Variants in FNDC3B observed in about 807,000 individuals in gnomAD.
The protein encoded by FNDC3B is fibronectin type III domain containing 3B.
Under a neutral mutation model 151.5 loss-of-function variants are expected in FNDC3B, and 12 were observed. That is an observed-to-expected ratio of 0.08 (90% CI 0.05 to 0.13). The LOEUF (loss-of-function observed/expected upper bound fraction) is 0.13. Ranked by LOEUF, FNDC3B falls within the 10% of genes least tolerant of loss-of-function variation. FNDC3B has a pLI of 1.00. For synonymous variants in FNDC3B, 528 were observed against 549.0 expected (o/e 0.96, Z 0.54); for missense variants, 1,214 against 1,505.3 (o/e 0.81, Z 3.20).
At chr3:172,387,613 A>C (rs947772700) in intron 25 of FNDC3B, among the ~76,000 whole-genome samples, 14 of 152,202 alleles carry the variant, frequency 9.2e-5, no homozygotes, top group African/African-American at 3.1e-4. Flanking sequence ...GGTTTATTTA[A>C]GTATCTGAAG....
intron 10 of FNDC3B, among the ~76,000 whole-genome samples, chr3:172,307,960 A>G (rs1485659745): frequency 6.6e-6 from 1 of 152,220 alleles, no homozygotes; most frequent in Non-Finnish European, 1.5e-5. Flanking sequence ...ACATCTTATC[A>G]CTTTCTAATA....
At chr3:172,119,584 A>G (rs979347053) in intron 2 of FNDC3B, among the ~76,000 whole-genome samples, 1 of 152,228 alleles carries the variant, frequency 6.6e-6, no homozygotes, top group African/African-American at 2.4e-5. Context: ...AGTGAAGGCT[A>G]GAACTATCCA....
intron 3 of FNDC3B, among the ~76,000 whole-genome samples, chr3:172,201,034 G>A (rs1725123533): frequency 6.6e-6 from 1 of 152,216 alleles, no homozygotes. Flanking sequence ...AATAACACTT[G>A]TTAATGGAAA....
At chr3:172,231,322 C>A (rs1269481142) in intron 4 of FNDC3B, among the ~76,000 whole-genome samples, 1 of 152,162 alleles carries the variant, frequency 6.6e-6, no homozygotes, top group East Asian at 1.9e-4. Flanking sequence ...ATGGGGTATG[C>A]TGTTTCTTTG....
At position 172,127,889 on chromosome 3, in the gene FNDC3B, G is replaced by A. The variant is rs115412863; in HGVS notation, c.112-5582G>A. On this transcript the variant is annotated intron_variant, in intron 2 of 25. Coordinates refer to ENST00000415807, the MANE Select transcript of FNDC3B (RefSeq NM_022763.4). ...GTCAGGCTGGTCTCTAACTCCTGAT[G>A]TCAAGTGATCCATCTGCCTCAGCTT... Among the ~76,000 whole-genome samples, 1,201 of 152,186 alleles carry A rather than the reference G, an allele frequency of 7.9e-3. 13 individuals carry two copies. Among genetic ancestry groups the A allele is most frequent in the African/African-American group, 0.027 (1,116 of 41,546 alleles).
In FNDC3B at chr3:172,229,348, A is replaced by G. The variant is rs115521651; in HGVS notation, c.264+2401A>G. Among the ~76,000 whole-genome samples the G allele has an allele frequency of 8.1e-3, 1,226 of 152,264 alleles. 12 individuals carry two copies. Among genetic ancestry groups the G allele is most frequent in the African/African-American group, 0.029 (1,198 of 41,532 alleles). ...AACACTCAACCCTGCTTACCTCTCAAGAGGCACCTTTACCTGTCACCCCAC... is the reference window on the plus strand; with the variant it reads ...AACACTCAACCCTGCTTACCTCTCAGGAGGCACCTTTACCTGTCACCCCAC... On this transcript the variant is annotated intron_variant, in intron 4 of 25. Coordinates refer to ENST00000415807, the MANE Select transcript of FNDC3B (RefSeq NM_022763.4).
intron 6 of FNDC3B, among the ~76,000 whole-genome samples, chr3:172,259,521 T>C (rs1006166926): frequency 6.6e-6 from 1 of 152,210 alleles, no homozygotes; most frequent in Non-Finnish European, 1.5e-5. Flanking sequence ...ATGCGCTTTC[T>C]GACTTGGGCC....
chr3:172,396,188 A>G (rs531806748), intron 25 of FNDC3B, among the ~76,000 whole-genome samples: 7 of 152,346 alleles, frequency 4.6e-5, no homozygotes, highest in African/African-American at 1.7e-4. Flanking sequence ...AGGTATAGTT[A>G]TAAGGAACTA....
chr3:172,077,949 T>A (rs1301684127), intron 1 of FNDC3B, among the ~76,000 whole-genome samples: 1 of 152,150 alleles, frequency 6.6e-6, no homozygotes, highest in Non-Finnish European at 1.5e-5. Flanking sequence ...AAATTAGGGC[T>A]CATATTTTAT....
At chr3:172,204,931 G>A (rs1195583298) in intron 3 of FNDC3B, among the ~76,000 whole-genome samples, 1 of 152,212 alleles carries the variant, frequency 6.6e-6, no homozygotes, top group African/African-American at 2.4e-5. Context: ...TCTGGTCTGT[G>A]TTGCTTATTG....
rs777806976 is a variant in FNDC3B at position 172,353,032 on chromosome 3, G to A, written c.2744G>A (p.Gly915Asp). 1 of 1,614,072 alleles carries A rather than the reference G, an allele frequency of 6.2e-7. No homozygotes were observed. The highest frequency in any genetic ancestry group is 8.5e-7 in the Non-Finnish European group (1 of 1,180,010). Residue 915 changes from glycine (G) to aspartate (D), a missense_variant, in exon 22 of 26, where the codon GGC becomes GAC. Physicochemically the swap from Gly to Asp is moderately conservative, Grantham distance 94. This residue lies in a region of FNDC3B where 284 missense variants were observed against 392.4 expected (regional missense o/e 0.72). Transcript: ENST00000415807. ...CTAGGAGACACTAGCATTACCGTGGGCAACACCACCATGCATGTTATGAAA... is the reference window on the plus strand; with the variant it reads ...CTAGGAGACACTAGCATTACCGTGGACAACACCACCATGCATGTTATGAAA... ...IDLGDTSITV[G>D]NTTMHVMKDL...
chr3:172,047,616 C>T (rs1158427170), intron 1 of FNDC3B, among the ~76,000 whole-genome samples: 1 of 152,120 alleles, frequency 6.6e-6, no homozygotes, highest in Non-Finnish European at 1.5e-5. Context: ...AAAGTCAGTG[C>T]TCTCTGTGGA....
chr3:172,369,082 T>A (rs977417917), intron 23 of FNDC3B, among the ~76,000 whole-genome samples: 7 of 152,186 alleles, frequency 4.6e-5, no homozygotes, highest in Admixed American at 4.6e-4. Context: ...ACCGAGTAGC[T>A]TAGTCAATCT....
intron 1 of FNDC3B, among the ~76,000 whole-genome samples, chr3:172,102,477 A>G (rs1383710570): frequency 6.6e-6 from 1 of 152,196 alleles, no homozygotes; most frequent in Non-Finnish European, 1.5e-5. Flanking sequence ...TTTGATTCGT[A>G]ATAGATCTCT....
intron 3 of FNDC3B, among the ~76,000 whole-genome samples, chr3:172,167,303 C>T (rs146911171): frequency 1.3e-5 from 2 of 152,116 alleles, no homozygotes; most frequent in East Asian, 1.9e-4. Context: ...GGCTGAGGCA[C>T]GAGAATCGCT....
rs748360487 is a variant in FNDC3B at position 172,381,078 on chromosome 3, A to G, written c.3288A>G (p.Glu1096=). Residue 1096 remains glutamate (E), a synonymous_variant, in exon 25 of 26, where the codon GAA becomes GAG. Coordinates refer to ENST00000415807, the MANE Select transcript of FNDC3B (RefSeq NM_022763.4). ...TTCTGCAGGTATTGGTTGGAAGAGAATCTGAGTACAAACAGGTAAGAACCA... is the reference window on the plus strand; with the variant it reads ...TTCTGCAGGTATTGGTTGGAAGAGAGTCTGAGTACAAACAGGTAAGAACCA... The part of the protein sequence containing the change: ...NYILQVLVGR[E]SEYKQVYKGE... 15 of 1,613,470 alleles carry G rather than the reference A, an allele frequency of 9.3e-6. No homozygotes were observed. The highest frequency in any genetic ancestry group is 1.1e-5 in the Non-Finnish European group (13 of 1,179,592).
intron 3 of FNDC3B, among the ~76,000 whole-genome samples, chr3:172,165,906 T>TA (rs571548998): frequency 1.5e-4 from 23 of 152,330 alleles, no homozygotes; most frequent in African/African-American, 5.1e-4. Flanking sequence ...ACATATGTAC[T>TA]AAAAAATACC....
rs1418590566 is a variant in FNDC3B at position 172,254,386 on chromosome 3, G to A, written c.790+2845G>A. Among the ~76,000 whole-genome samples, 6 of 151,488 alleles carry A rather than the reference G, an allele frequency of 4.0e-5. No homozygotes were observed. The East Asian group carries it at 1.2e-3, about 29-fold the overall frequency. On this transcript the variant is annotated intron_variant, in intron 6 of 25. Coordinates refer to ENST00000415807, the MANE Select transcript of FNDC3B (RefSeq NM_022763.4). The stretch of plus-strand genomic sequence containing the variant: ...TTTTTTTTTAATCAAACCTCCATTG[G>A]GGATAATGTATAATCAGCCAAGATA...
chr3:172,043,197 G>T (rs767696007), intron 1 of FNDC3B, among the ~76,000 whole-genome samples: 1 of 152,324 alleles, frequency 6.6e-6, no homozygotes, highest in East Asian at 1.9e-4. Flanking sequence ...AATTACAGGC[G>T]TGAGCCACCA....
Sources: allele counts gnomAD v4.1 joint callset (sites outside exome capture counted in the v4.1 genomes callset), GRCh38; gene constraint gnomAD v4.1.1; regional missense constraint gnomAD v4.1.1; transcripts MANE v1.5; gene names NCBI Gene and HGNC (gene_info 2026-07-23, HGNC 2026-07-21).